Variants in PLAGL1 observed in about 807,000 individuals in gnomAD.
PLAGL1 encodes the protein zinc finger protein PLAGL1.
A neutral mutation model predicts 4.6 loss-of-function variants in PLAGL1; 1 was observed. The ratio of observed to expected loss-of-function variants is 0.22; its 90% CI spans 0.08 to 1.03. The LOEUF is 1.03. Among genes scored for constraint, PLAGL1 ranks in the 50% least tolerant of loss-of-function variants. PLAGL1 has a pLI of 0.58. For missense variants in PLAGL1, 464 were observed against 570.4 expected, an observed-to-expected ratio of 0.81 and a Z score of 1.90; for synonymous variants, 240 against 237.8, an observed-to-expected ratio of 1.01 and a Z score of -0.08.
At chr6:144,019,230 TTTGGGAGGCCAA>T (rs1795790213) in intron 1 of PLAGL1, among the ~76,000 whole-genome samples, 3 of 152,158 alleles carry the variant, frequency 2.0e-5, no homozygotes, top group Non-Finnish European at 4.4e-5. Context: ...ATCCCAGCAC[TTTGGGAGGCCAA>T]GTGGGTGGAT....
rs912499545 is a variant in PLAGL1, at chr6:143,972,063, C to T, written c.-543-3085G>A. ...TCTGCAGAGGAAGAATTTTAAAAAG[C>T]AATAGCAACAATCAGGTAACAGCAG... On this transcript the variant is annotated intron_variant, in intron 2 of 7. Coordinates refer to ENST00000674357, the MANE Select transcript of PLAGL1 (RefSeq NM_001317162.2). This position sits in a 1 kb window ranked among gnomAD's most constrained non-coding sequence, Gnocchi z 6.8. Among the ~76,000 whole-genome samples the T allele has an allele frequency of 5.9e-5, 9 of 152,152 alleles. No individual in the cohort carries two copies. The highest frequency in any genetic ancestry group is 2.2e-4 in the African/African-American group (9 of 41,438).
At chr6:144,020,739 C>A (rs1284696328) in intron 1 of PLAGL1, among the ~76,000 whole-genome samples, 1 of 149,336 alleles carries the variant, frequency 6.7e-6, no homozygotes, top group African/African-American at 2.5e-5. Context: ...AGCCACTGCA[C>A]CCGGCCACCA....
At position 143,942,497 on chromosome 6, in the gene PLAGL1, T is replaced by C; in HGVS notation, c.319A>G (p.Lys107Glu). The change falls in exon 8 of 8, where the codon AAG becomes GAG. Residue 107 changes from lysine (K) to glutamate (E), a missense_variant. Coordinates refer to ENST00000674357, the MANE Select transcript of PLAGL1 (RefSeq NM_001317162.2). This position sits in a 1 kb window ranked among gnomAD's most constrained non-coding sequence, Gnocchi z 7.6. Reference protein sequence around the residue: ...GKKYNTMLGYKRHLALHAASS... With the variant: ...GKKYNTMLGYERHLALHAASS... ...GCCGCATGGAGGGCCAGGTGCCTCTTATAGCCCAGCATGGTGTTGTACTTC... is the reference window on the plus strand; with the variant it reads ...GCCGCATGGAGGGCCAGGTGCCTCTCATAGCCCAGCATGGTGTTGTACTTC... 1 of 1,614,142 alleles carries C rather than the reference T, an allele frequency of 6.2e-7. No individual in the cohort carries two copies. Among genetic ancestry groups the C allele is most frequent in the South Asian group, 1.1e-5 (1 of 91,080 alleles).
intron 1 of PLAGL1, among the ~76,000 whole-genome samples, chr6:144,052,578 A>AATAT (rs1251105145): frequency 2.0e-5 from 3 of 152,204 alleles, no homozygotes; most frequent in Non-Finnish European, 4.4e-5. Flanking sequence ...TGAATGGATG[A>AATAT]ATATATATCT....
chr6:144,001,581 T>G (rs1357890907), intron 1 of PLAGL1, among the ~76,000 whole-genome samples: 1 of 152,186 alleles, frequency 6.6e-6, no homozygotes, highest in Non-Finnish European at 1.5e-5. Flanking sequence ...TTTTAACATA[T>G]GACCACAAAT....
chr6:144,011,018 A>C (rs1235009831), upstream of PLAGL1, among the ~76,000 whole-genome samples: 2 of 152,248 alleles, frequency 1.3e-5, no homozygotes, highest in African/African-American at 4.8e-5. This position sits in a 1 kb window ranked among gnomAD's most constrained non-coding sequence, Gnocchi z 4.3. Flanking sequence ...AAGAAAACCT[A>C]GGCAATACCA....
At chr6:144,062,095 G>A (rs1799455980) in intron 1 of PLAGL1, among the ~76,000 whole-genome samples, 1 of 152,126 alleles carries the variant, frequency 6.6e-6, no homozygotes, top group Admixed American at 6.5e-5. Context: ...CAGACATCAT[G>A]GGCCGGGCAC....
chr6:143,987,894 C>A (rs1789568970), intron 1 of PLAGL1, among the ~76,000 whole-genome samples: 1 of 152,108 alleles, frequency 6.6e-6, no homozygotes, highest in South Asian at 2.1e-4. Flanking sequence ...AATCAGAATT[C>A]CTCATTTATC....
At chr6:143,976,601 TTTC>T (rs1409219875) in intron 2 of PLAGL1, among the ~76,000 whole-genome samples, 5 of 152,330 alleles carry the variant, frequency 3.3e-5, no homozygotes, top group African/African-American at 9.6e-5. Flanking sequence ...TTTAAAATAT[TTTC>T]TTCATTACCA....
At chr6:143,988,637 T>G (rs1418346325) in intron 1 of PLAGL1, among the ~76,000 whole-genome samples, 1 of 152,234 alleles carries the variant, frequency 6.6e-6, no homozygotes, top group Non-Finnish European at 1.5e-5. Context: ...AATAACAAAG[T>G]GCCATAGACT....
rs1456111050 is a variant in PLAGL1 at position 144,036,562 on chromosome 6, G to T, written c.-151+27906C>A. 5.8e-6 allele frequency: 1 copy of T among 171,998 alleles called. No homozygotes were observed. 10.7% of individuals were successfully genotyped at this position (171,998 alleles called of 1,614,324 possible). A position where few individuals can be genotyped will look rare whatever the true frequency, so the allele number is the denominator to read the frequency against. ...GACTCCAGTCCTGGGGCTGCTACCG[G>T]GTGCAAGTGACATGCTGGAAAGAGC... On this transcript the variant is annotated intron_variant, in intron 1 of 3. Coordinates refer to the PLAGL1 transcript ENST00000437412. The surrounding 1 kb of genome is among the most constrained non-coding windows in gnomAD (Gnocchi z 5.1).
At chr6:144,057,991 A>G (rs1799114048) in intron 1 of PLAGL1, among the ~76,000 whole-genome samples, 3 of 152,332 alleles carry the variant, frequency 2.0e-5, no homozygotes, top group South Asian at 4.1e-4. Context: ...CACCTATACT[A>G]AAGCTAAAAT....
In PLAGL1 at chr6:144,005,539, T is replaced by C. The variant is rs989150271; in HGVS notation, c.-584+2551A>G. On this transcript the variant is annotated intron_variant, in intron 1 of 7. Coordinates refer to ENST00000674357, the MANE Select transcript of PLAGL1 (RefSeq NM_001317162.2). The surrounding 1 kb of genome is among the most constrained non-coding windows in gnomAD (Gnocchi z 4.6). ...AAATATATACATCTCAATATATACATGTCTCAGGTAAATTAAAGAACAAAA... is the reference window on the plus strand; with the variant it reads ...AAATATATACATCTCAATATATACACGTCTCAGGTAAATTAAAGAACAAAA... The C allele has an allele frequency of 6.6e-6, 1 of 152,130 alleles. No homozygotes were observed. Among genetic ancestry groups the C allele is most frequent in the Non-Finnish European group, 1.5e-5 (1 of 67,996 alleles). 9.4% of individuals were successfully genotyped at this position (152,130 alleles called of 1,614,324 possible). A position where few individuals can be genotyped will look rare whatever the true frequency, so the allele number is the denominator to read the frequency against.
rs1562482176 is a variant in PLAGL1, at chr6:143,978,574, TG to T, written c.-544+6560del. ...TTTAAATTTGTTAAGATGTTTTCAA[TG>T]TCTCAGGATGTGCCCCTGGGTTATT... On this transcript the variant is annotated intron_variant, in intron 2 of 7. Coordinates refer to ENST00000674357, the MANE Select transcript of PLAGL1 (RefSeq NM_001317162.2). The surrounding 1 kb of genome is among the most constrained non-coding windows in gnomAD (Gnocchi z 4.6). Among the ~76,000 whole-genome samples the T allele has an allele frequency of 6.6e-6, 1 of 152,196 alleles. No individual in the cohort carries two copies. The highest frequency in any genetic ancestry group is 1.5e-5 in the Non-Finnish European group (1 of 68,018).
chr6:143,958,208 A>G lies in PLAGL1; in HGVS notation c.-325+2261T>C, dbSNP rs543425966. ...TGTCCCATCTACAGATGAATTGCAG[A>G]GAGGAAAAAGTTACATATAATCACT... is the stretch of plus-strand genomic sequence containing the variant. On this transcript the variant is annotated intron_variant, in intron 6 of 7. Transcript: ENST00000674357. This position sits in a 1 kb window ranked among gnomAD's most constrained non-coding sequence, Gnocchi z 5.1. 6.6e-5 allele frequency among the ~76,000 whole-genome samples: 10 copies of G among 152,386 alleles called. No homozygotes were observed. The South Asian group carries it at 1.7e-3, about 25-fold the overall frequency.
At position 143,948,873 on chromosome 6, in the gene PLAGL1, C is replaced by G. The variant is rs1046950661; in HGVS notation, c.-324-413G>C. Among the ~76,000 whole-genome samples, 1 of 152,216 alleles carries G rather than the reference C, an allele frequency of 6.6e-6. No individual in the cohort carries two copies. Among genetic ancestry groups the G allele is most frequent in the African/African-American group, 2.4e-5 (1 of 41,440 alleles). On this transcript the variant is annotated intron_variant, in intron 6 of 7. Transcript: ENST00000674357. The surrounding 1 kb of genome is among the most constrained non-coding windows in gnomAD (Gnocchi z 6.0). ...AAATCACCCACACTTACTCAAACCA[C>G]GGGCTCTTCCTCATCACTCATTGTT...
Position 143,997,375 on chromosome 6 carries a change from A to G in PLAGL1, c.-584+10715T>C, listed in dbSNP as rs1369578821. Among the ~76,000 whole-genome samples, 1 of 152,226 alleles carries G rather than the reference A, an allele frequency of 6.6e-6. No homozygotes were observed. The highest frequency in any genetic ancestry group is 1.9e-4 in the East Asian group (1 of 5,200). On this transcript the variant is annotated intron_variant, in intron 1 of 7. Transcript: ENST00000674357. This position sits in a 1 kb window ranked among gnomAD's most constrained non-coding sequence, Gnocchi z 4.6. The stretch of plus-strand genomic sequence containing the variant: ...TATTTGTAAGAACCCAAACTAGAAC[A>G]CACCCACATAGCTATTTACAAAATG...
At chr6:143,944,146 C>G (rs142951392) in intron 7 of PLAGL1, among the ~76,000 whole-genome samples, 2 of 152,160 alleles carry the variant, frequency 1.3e-5, no homozygotes, top group Non-Finnish European at 2.9e-5. Context: ...TGAGCTTTCA[C>G]GTTAGATACA....
At chr6:144,028,729 G>A (rs573459419) in intron 1 of PLAGL1, among the ~76,000 whole-genome samples, 32 of 152,314 alleles carry the variant, frequency 2.1e-4, no homozygotes, top group South Asian at 8.3e-4. Context: ...TGCTGAGGGT[G>A]TAGAGAATGT....
Sources: gnomAD v4.1 joint callset for allele counts (sites outside exome capture counted in the v4.1 genomes callset) on GRCh38, gnomAD v4.1.1 for gene constraint, Gnocchi (gnomAD v3.1) non-coding constraint, MANE v1.5 for transcripts, NCBI Gene and HGNC (gene_info 2026-07-23, HGNC 2026-07-21) for gene names.